PMS2: variants seen among roughly 807,000 people sequenced by gnomAD.
PMS2 encodes the protein mismatch repair endonuclease PMS2.
Under a neutral mutation model 90.0 loss-of-function variants are expected in PMS2, and 69 were observed. The observed-to-expected ratio is 0.77, with a 90% CI of 0.63 to 0.94. The LOEUF (loss-of-function observed/expected upper bound fraction) is 0.94, where lower values mean the gene tolerates loss of function less well. Among genes scored for constraint, PMS2 ranks in the 40% least tolerant of loss-of-function variants. The pLI is 0.00. For synonymous variants in PMS2, 332 were observed against 375.1 expected, an observed-to-expected ratio of 0.89 and a Z score of 1.33; for missense variants, 966 against 1,040.2, an observed-to-expected ratio of 0.93 and a Z score of 0.98.
chr7:5,990,093 C>T lies in PMS2; in HGVS notation c.989-138G>A, dbSNP rs192638134. On this transcript the variant is annotated intron_variant, in intron 9 of 14. Coordinates refer to ENST00000265849, the MANE Select transcript of PMS2 (RefSeq NM_000535.7). Reference sequence around the variant, plus strand: ...CGCGATCTCAGCTCACTGCAACCTCCGCCTCCTGGGTTCAAGTGATTCTCC... The same window carrying T: ...CGCGATCTCAGCTCACTGCAACCTCTGCCTCCTGGGTTCAAGTGATTCTCC... The T allele has an allele frequency of 3.7e-4, 188 of 506,888 alleles. 2 individuals are homozygous for T. In the East Asian group the frequency reaches 4.7e-3, roughly 13 times the overall value. 31.4% of individuals were successfully genotyped at this position (506,888 alleles called of 1,614,324 possible). A position where few individuals can be genotyped will look rare whatever the true frequency, so the allele number is the denominator to read the frequency against.
intron 11 of PMS2, among the ~76,000 whole-genome samples, chr7:5,984,123 G>A (rs1330122179): frequency 1.3e-5 from 2 of 151,802 alleles, no homozygotes; most frequent in Non-Finnish European, 2.9e-5. Context: ...GTGCATTTCC[G>A]TGAGACAGAC....
chr7:5,997,975 T>C (rs748800502), intron 6 of PMS2, among the ~76,000 whole-genome samples: 9 of 152,138 alleles, frequency 5.9e-5, no homozygotes, highest in Non-Finnish European at 1.2e-4. Context: ...ACTTATATTT[T>C]TTTCAGAGAG....
In PMS2 at chr7:6,002,421, T is replaced by C. The variant is rs1468617920; in HGVS notation, c.537+32A>G. ...TCTTTTGCTCATGTGCATTAACCAA[T>C]ACTCTTGAAAACCAGGATTAATTTA... On this transcript the variant is annotated intron_variant, in intron 5 of 14. Transcript: ENST00000265849. The C allele has an allele frequency of 4.3e-6, 6 of 1,405,678 alleles. No homozygotes were observed. In the South Asian group the frequency reaches 6.9e-5, roughly 16 times the overall value. 87.1% of individuals were successfully genotyped at this position (1,405,678 alleles called of 1,614,324 possible).
intron 5 of PMS2, among the ~76,000 whole-genome samples, chr7:6,001,627 C>T (rs55699919): frequency 6.6e-6 from 1 of 152,062 alleles, no homozygotes; most frequent in African/African-American, 2.4e-5. Context: ...CCTCAGCCTC[C>T]CAAAGTGCTG....
intron 10 of PMS2, among the ~76,000 whole-genome samples, chr7:5,989,012 C>T (rs1418939169): frequency 4.6e-5 from 7 of 152,040 alleles, no homozygotes; most frequent in Admixed American, 3.9e-4. Context: ...CCCGCCACCA[C>T]GCCCGGCTAA....
intron 5 of PMS2, among the ~76,000 whole-genome samples, chr7:6,001,145 A>G (rs1197900049): frequency 2.0e-5 from 3 of 152,198 alleles, no homozygotes; most frequent in African/African-American, 7.2e-5. Context: ...GAGATCTCAC[A>G]TCCAAGGATA....
intron 10 of PMS2, among the ~76,000 whole-genome samples, chr7:5,988,987 C>T (rs1206453463): frequency 6.6e-6 from 1 of 152,146 alleles, no homozygotes; most frequent in African/African-American, 2.4e-5. Context: ...TCCTGAGTAG[C>T]TGGGACTACA....
intron 5 of PMS2, among the ~76,000 whole-genome samples, chr7:6,000,377 TAA>T (rs67186373): frequency 0.045 from 5,504 of 122,788 alleles, 152 homozygotes; most frequent in Middle Eastern, 0.14. Flanking sequence ...CTGTCTCAAT[TAA>T]AAAAAAAAAA....
At chr7:5,998,951 C>G (rs952831704) in intron 6 of PMS2, among the ~76,000 whole-genome samples, 157 bp downstream of exon 6, 1 of 150,472 alleles carries the variant, frequency 6.6e-6, no homozygotes, top group Non-Finnish European at 1.5e-5. Context: ...GACAACACCA[C>G]TGCACTCCAG....
chr7:5,992,606 C>T (rs1336563138), intron 8 of PMS2, among the ~76,000 whole-genome samples: 2 of 152,168 alleles, frequency 1.3e-5, no homozygotes, highest in Admixed American at 1.3e-4. Context: ...AGGCGTAAGC[C>T]ACTACACCTG....
rs587780063 is a variant in PMS2 at position 5,992,045 on chromosome 7, C to G, written c.916G>C (p.Val306Leu). ...PCDPAKVCRL[V>L]NEVYHMYNRH... ...TTATACATGTGGTAGACCTCATTCA[C>G]GAGTCTGCAGACCTGCACAAAATAC... is the stretch of plus-strand genomic sequence containing the variant. The change falls in exon 9 of 15, where the codon GTG becomes CTG. Residue 306 changes from valine (V) to leucine (L), a missense_variant. Val to Leu is a conservative substitution (Grantham distance 32). This residue lies in a region of PMS2 where 871 missense variants were observed against 802.4 expected (regional missense o/e 1.09). Transcript: ENST00000265849. 2 of 1,577,644 alleles carry G rather than the reference C, an allele frequency of 1.3e-6. No individual in the cohort carries two copies. Among genetic ancestry groups the G allele is most frequent in the African/African-American group, 1.3e-5 (1 of 74,278 alleles).
In PMS2 at chr7:6,008,913, C is replaced by G. The variant is rs1222215869; in HGVS notation, c.23+84G>C. The G allele has an allele frequency of 3.3e-6, 5 of 1,523,732 alleles. No homozygotes were observed. The African/African-American group carries it at 6.8e-5, about 21-fold the overall frequency. 94.4% of individuals were successfully genotyped at this position (1,523,732 alleles called of 1,614,324 possible). On this transcript the variant is annotated intron_variant, in intron 1 of 14. Transcript: ENST00000265849. ...CGCCACGCGCCTCGGCCATGTTCCCCCCATTTCCAGGGAGGTTGGAATGCC... is the reference window on the plus strand; with the variant it reads ...CGCCACGCGCCTCGGCCATGTTCCCGCCATTTCCAGGGAGGTTGGAATGCC...
rs63751132 is a variant in PMS2 at position 5,987,198 on chromosome 7, A to T, written c.1567T>A (p.Ser523Thr). Reference sequence around the variant, plus strand: ...TCCTGCGAGCCCCTGTCCCCTGGGGAGCTGGCCGCATACTCGCTGCTGCAG... The same window carrying T: ...TCCTGCGAGCCCCTGTCCCCTGGGGTGCTGGCCGCATACTCGCTGCTGCAG... ...SHCSSEYAASSPGDRGSQEHV... is the reference protein window; with the variant it reads ...SHCSSEYAASTPGDRGSQEHV... The change falls in exon 11 of 15, where the codon TCC (serine) becomes ACC (threonine). Residue 523 changes from serine to threonine, a missense_variant. By Grantham distance (58) the Ser-to-Thr change is moderately conservative. Around this residue, in one of 2 missense-constraint regions of PMS2, gnomAD observed 871 missense variants for 802.4 expected, o/e 1.09. Transcript: ENST00000265849. 270 of 1,613,828 alleles carry T rather than the reference A, an allele frequency of 1.7e-4. No individual in the cohort carries two copies. Among genetic ancestry groups the T allele is most frequent in the South Asian group, 5.8e-4 (53 of 91,066 alleles).
intron 7 of PMS2, among the ~76,000 whole-genome samples, chr7:5,996,549 G>T (rs1784409078): frequency 8.0e-6 from 1 of 125,506 alleles, no homozygotes; most frequent in Non-Finnish European, 1.6e-5. Flanking sequence ...TGCAGCCTAG[G>T]CAACAAAGCA....
chr7:6,007,326 G>A (rs562688108), intron 1 of PMS2, among the ~76,000 whole-genome samples: 2 of 152,196 alleles, frequency 1.3e-5, no homozygotes, highest in East Asian at 3.9e-4. Flanking sequence ...ATGTTGGCCA[G>A]GCTGGTCTCG....
chr7:5,997,547 T>C (rs550834161), intron 6 of PMS2, 124 bp from the exon 7 acceptor site: 78 of 675,696 alleles, frequency 1.2e-4, no homozygotes, highest in East Asian at 1.0e-3. Flanking sequence ...GAATCTTTTG[T>C]TTTGTTTTGT....
intron 6 of PMS2, among the ~76,000 whole-genome samples, chr7:5,997,840 C>T (rs1784602940): frequency 6.6e-6 from 1 of 152,136 alleles, no homozygotes; most frequent in Non-Finnish European, 1.5e-5. Flanking sequence ...ATAATCCCAA[C>T]AGTTTCCTCT....
At chr7:5,993,278 G>A (rs1322110582) in intron 8 of PMS2, among the ~76,000 whole-genome samples, 1 of 150,336 alleles carries the variant, frequency 6.7e-6, no homozygotes, top group Non-Finnish European at 1.5e-5. Context: ...GGCTGAGGCA[G>A]GAGAATTGCT....
Position 5,999,126 on chromosome 7 carries a change from A to G in PMS2, c.687T>C (p.Ser229=), listed in dbSNP as rs786201508. The change falls in exon 6 of 15, where the codon TCT becomes TCC. Residue 229 remains serine (S), a synonymous_variant. Transcript: ENST00000265849. ...GSPSIKENIG[S]VFGQKQLQSL... is the part of the protein sequence containing the mutation. ...TCACTACCTGCTTCTGCCCAAACAC[A>G]GAGCCGATATTTTCCTTTATGCTGG... 6.2e-6 allele frequency: 10 copies of G among 1,614,012 alleles called. No homozygotes were observed. Among genetic ancestry groups the G allele is most frequent in the Non-Finnish European group, 8.5e-6 (10 of 1,180,034 alleles).
Sources: gnomAD v4.1 joint callset for allele counts (sites outside exome capture counted in the v4.1 genomes callset) on GRCh38, gnomAD v4.1.1 for gene constraint, gnomAD v4.1.1 regional missense constraint, MANE v1.5 for transcripts, NCBI Gene and HGNC (gene_info 2026-07-23, HGNC 2026-07-21) for gene names.